ENTREP2: variants seen among roughly 807,000 people sequenced by gnomAD.
ENTREP2 encodes protein ENTREP2.
the ENTREP2 span, among the ~76,000 whole-genome samples, chr15:29,340,468 G>A: frequency 1.7e-4 from 26 of 152,244 alleles, no homozygotes; most frequent in East Asian, 3.1e-3. Context: ...GAGGGCCAGT[G>A]CAGGGGAGGG....
the ENTREP2 span, among the ~76,000 whole-genome samples, chr15:29,601,065 T>TGA: frequency 6.7e-6 from 1 of 148,850 alleles, no homozygotes; most frequent in Non-Finnish European, 1.5e-5. Context: ...GCCCGGCTAA[T>TGA]TTTTTGTATT....
At chr15:29,478,461 G>A in the ENTREP2 span, among the ~76,000 whole-genome samples, 37 of 152,142 alleles carry the variant, frequency 2.4e-4, no homozygotes, top group Non-Finnish European at 5.3e-4. Flanking sequence ...GATGTAGTTT[G>A]GATATTTGTC....
chr15:29,341,050 C>A, the ENTREP2 span, among the ~76,000 whole-genome samples: 1 of 152,196 alleles, frequency 6.6e-6, no homozygotes, highest in African/African-American at 2.4e-5. Flanking sequence ...TCCCGCCTTC[C>A]AGTGAAGGAG....
the ENTREP2 span, among the ~76,000 whole-genome samples, chr15:29,345,100 G>A: frequency 2.0e-5 from 3 of 152,046 alleles, no homozygotes; most frequent in Non-Finnish European, 4.4e-5. Context: ...AAATCCGAAC[G>A]CAATGATGAC....
At chr15:29,391,148 G>A in the ENTREP2 span, among the ~76,000 whole-genome samples, 2 of 151,844 alleles carry the variant, frequency 1.3e-5, no homozygotes, top group East Asian at 1.9e-4. Flanking sequence ...GAAGGCTCAC[G>A]AGGCATGCAG....
At chr15:29,401,970 C>T in the ENTREP2 span, among the ~76,000 whole-genome samples, 794 of 152,168 alleles carry the variant, frequency 5.2e-3, 11 homozygotes, top group African/African-American at 0.018. Flanking sequence ...CACAAGAAAC[C>T]TAACAATCGG....
chr15:29,405,318 G>A, the ENTREP2 span, among the ~76,000 whole-genome samples: 1 of 151,924 alleles, frequency 6.6e-6, no homozygotes, highest in Non-Finnish European at 1.5e-5. Flanking sequence ...GAACCTGGGA[G>A]GTGGAGGTTG....
chr15:29,420,770 T>C, the ENTREP2 span, among the ~76,000 whole-genome samples: 8 of 152,116 alleles, frequency 5.3e-5, no homozygotes, highest in Non-Finnish European at 1.5e-5. Flanking sequence ...TTCCCAGCCC[T>C]GCACCCTAGC....
the ENTREP2 span, among the ~76,000 whole-genome samples, chr15:29,429,148 T>C: frequency 6.7e-6 from 1 of 149,550 alleles, no homozygotes; most frequent in African/African-American, 2.5e-5. Context: ...TTGAGATGTC[T>C]ATCTGTCCAT....
At chr15:29,632,959 G>A in the ENTREP2 span, among the ~76,000 whole-genome samples, 4 of 152,248 alleles carry the variant, frequency 2.6e-5, no homozygotes, top group African/African-American at 9.6e-5. Flanking sequence ...TGTGAGACAA[G>A]TTGCATGAGG....
the ENTREP2 span, among the ~76,000 whole-genome samples, chr15:29,445,369 C>T: frequency 6.6e-6 from 1 of 152,138 alleles, no homozygotes. Context: ...GTGAACCAAC[C>T]CTGTGATTAG....
the ENTREP2 span, among the ~76,000 whole-genome samples, chr15:29,571,837 G>T: frequency 2.6e-5 from 4 of 152,048 alleles, no homozygotes. Flanking sequence ...CTCTGCTTGT[G>T]TTGAAAAGGG....
chr15:29,642,810 C>T, the ENTREP2 span, among the ~76,000 whole-genome samples: 1 of 152,056 alleles, frequency 6.6e-6, no homozygotes, highest in Non-Finnish European at 1.5e-5. Flanking sequence ...GATGGGATTT[C>T]ACCATGCTGG....
chr15:29,392,694 A>C, the ENTREP2 span, among the ~76,000 whole-genome samples: 215 of 152,172 alleles, frequency 1.4e-3, no homozygotes, highest in Middle Eastern at 6.8e-3. Flanking sequence ...TGAATCTGTG[A>C]ATTTATATTT....
At chr15:29,658,475 G>T in the ENTREP2 span, among the ~76,000 whole-genome samples, 1 of 152,118 alleles carries the variant, frequency 6.6e-6, no homozygotes. Flanking sequence ...ATCAAAAAGC[G>T]GAATGGGGGA....
chr15:29,667,775 C>T, the ENTREP2 span, among the ~76,000 whole-genome samples: 1 of 152,248 alleles, frequency 6.6e-6, no homozygotes, highest in East Asian at 1.9e-4. Context: ...GGATTATAGG[C>T]GGGATCCACT....
the ENTREP2 span, chr15:29,121,295 A>T: frequency 6.6e-6 from 1 of 152,294 alleles, no homozygotes; most frequent in African/African-American, 2.4e-5. Flanking sequence ...CCCCGGCTGC[A>T]TGAGGAGAAC....
At chr15:29,570,467 TC>T in the ENTREP2 span, 5 of 1,185,844 alleles carry the variant, frequency 4.2e-6, no homozygotes, top group East Asian at 3.6e-5. Flanking sequence ...GCCCGCGCAG[TC>T]CCCGGAGCCC....
the ENTREP2 span, among the ~76,000 whole-genome samples, chr15:29,534,302 C>T: frequency 4.1e-4 from 62 of 151,930 alleles, no homozygotes; most frequent in Non-Finnish European, 8.7e-4. Flanking sequence ...AAAAGGGTTC[C>T]GTGGAGATAT....
Sources: allele counts gnomAD v4.1 joint callset (sites outside exome capture counted in the v4.1 genomes callset), GRCh38; gene constraint gnomAD v4.1.1; transcripts MANE v1.5; gene names NCBI Gene and HGNC (gene_info 2026-07-23, HGNC 2026-07-21).